Variants in ENTREP2 observed in about 807,000 individuals in gnomAD.
The protein encoded by ENTREP2 is protein ENTREP2.
At chr15:29,495,941 T>C in the ENTREP2 span, among the ~76,000 whole-genome samples, 2 of 152,138 alleles carry the variant, frequency 1.3e-5, no homozygotes, top group Non-Finnish European at 1.5e-5. Flanking sequence ...TCTATTTCTG[T>C]GAAAAATGCC....
chr15:29,629,311 C>T, the ENTREP2 span, among the ~76,000 whole-genome samples: 18 of 152,188 alleles, frequency 1.2e-4, 1 homozygote, highest in African/African-American at 3.9e-4. Flanking sequence ...AATTATTAAT[C>T]GATTAGGGCT....
the ENTREP2 span, among the ~76,000 whole-genome samples, chr15:29,239,857 A>C: frequency 0.015 from 2,324 of 152,290 alleles, 81 homozygotes; most frequent in African/African-American, 0.053. Flanking sequence ...TGTGACACAC[A>C]ACCTCTGGTT....
chr15:29,340,691 A>G, the ENTREP2 span, among the ~76,000 whole-genome samples: 4 of 152,230 alleles, frequency 2.6e-5, no homozygotes, highest in Non-Finnish European at 5.9e-5. Flanking sequence ...TCTCTCATCC[A>G]ACAGTGTTAG....
the ENTREP2 span, among the ~76,000 whole-genome samples, chr15:29,320,198 A>G: frequency 6.6e-6 from 1 of 152,156 alleles, no homozygotes; most frequent in African/African-American, 2.4e-5. Context: ...AGAGTAAAAC[A>G]CACCACACAC....
chr15:29,619,560 C>T, the ENTREP2 span, among the ~76,000 whole-genome samples: 1,959 of 152,158 alleles, frequency 0.013, 60 homozygotes, highest in African/African-American at 0.045. Context: ...CCAGTGCCTA[C>T]ACGCTTATCC....
chr15:29,589,245 C>T, the ENTREP2 span, among the ~76,000 whole-genome samples: 1 of 152,244 alleles, frequency 6.6e-6, no homozygotes, highest in Non-Finnish European at 1.5e-5. Flanking sequence ...ACTTATCCAG[C>T]TCCACACTTG....
the ENTREP2 span, among the ~76,000 whole-genome samples, chr15:29,484,195 C>A: frequency 6.6e-6 from 1 of 152,196 alleles, no homozygotes; most frequent in Non-Finnish European, 1.5e-5. Context: ...AACTTCACAT[C>A]TAATAACAAG....
At chr15:29,667,868 G>T in the ENTREP2 span, among the ~76,000 whole-genome samples, 1 of 152,038 alleles carries the variant, frequency 6.6e-6, no homozygotes, top group Non-Finnish European at 1.5e-5. Context: ...ATGTAGAGTC[G>T]CTATTTGCTC....
the ENTREP2 span, among the ~76,000 whole-genome samples, chr15:29,645,285 A>T: frequency 1.6e-4 from 24 of 152,338 alleles, no homozygotes; most frequent in South Asian, 5.0e-3. Flanking sequence ...AATGGTGAAA[A>T]AAAATAGATG....
At chr15:29,384,774 C>T in the ENTREP2 span, among the ~76,000 whole-genome samples, 1 of 152,152 alleles carries the variant, frequency 6.6e-6, no homozygotes, top group African/African-American at 2.4e-5. Flanking sequence ...CGGCCCCAGC[C>T]TCAGCCCCCG....
At chr15:29,258,230 A>AAAAAAAAG in the ENTREP2 span, among the ~76,000 whole-genome samples, 5 of 127,240 alleles carry the variant, frequency 3.9e-5, no homozygotes, top group African/African-American at 1.2e-4. Context: ...AAAAAAAAAA[A>AAAAAAAAG]AAAGAAAGAA....
At chr15:29,402,265 TACAC>T in the ENTREP2 span, among the ~76,000 whole-genome samples, 10 of 137,790 alleles carry the variant, frequency 7.3e-5, no homozygotes, top group East Asian at 2.0e-4. Flanking sequence ...TATATATATA[TACAC>T]ACACATATAT....
chr15:29,468,586 C>A, the ENTREP2 span, among the ~76,000 whole-genome samples: 1 of 141,248 alleles, frequency 7.1e-6, no homozygotes, highest in Admixed American at 7.4e-5. Context: ...CTCCAGCCTG[C>A]GCAACGAGAG....
chr15:29,282,777 T>A, the ENTREP2 span, among the ~76,000 whole-genome samples: 1 of 152,234 alleles, frequency 6.6e-6, no homozygotes, highest in African/African-American at 2.4e-5. Flanking sequence ...CATACCGGTC[T>A]GTTCTTGTTG....
At chr15:29,666,459 G>A in the ENTREP2 span, among the ~76,000 whole-genome samples, 1 of 151,178 alleles carries the variant, frequency 6.6e-6, no homozygotes. Flanking sequence ...CAGTTACAGT[G>A]GCCTTCTAAA....
At chr15:29,148,910 T>C in the ENTREP2 span, among the ~76,000 whole-genome samples, 1 of 151,848 alleles carries the variant, frequency 6.6e-6, no homozygotes. Flanking sequence ...TCAATCTCGC[T>C]CTGTCGCCCA....
chr15:29,153,405 C>A, the ENTREP2 span, among the ~76,000 whole-genome samples: 1 of 152,156 alleles, frequency 6.6e-6, no homozygotes, highest in African/African-American at 2.4e-5. Flanking sequence ...TGGTAAGGGC[C>A]TGCTTCCTGG....
At chr15:29,124,255 C>T in the ENTREP2 span, among the ~76,000 whole-genome samples, 1,417 of 152,306 alleles carry the variant, frequency 9.3e-3, 26 homozygotes, top group African/African-American at 0.028. Context: ...CGGCCAGCTC[C>T]GGGCTGTCAG....
the ENTREP2 span, among the ~76,000 whole-genome samples, chr15:29,390,215 T>A: frequency 6.6e-6 from 1 of 152,192 alleles, no homozygotes; most frequent in Admixed American, 6.5e-5. Flanking sequence ...ATGTTGCACA[T>A]TCTGACATGT....
Sources: gnomAD v4.1 joint callset for allele counts (sites outside exome capture counted in the v4.1 genomes callset) on GRCh38, gnomAD v4.1.1 for gene constraint, MANE v1.5 for transcripts, NCBI Gene and HGNC (gene_info 2026-07-23, HGNC 2026-07-21) for gene names.